Variants in FBLN2 observed in about 807,000 individuals in gnomAD.
FBLN2 encodes the protein fibulin 2.
Under a neutral mutation model 123.7 loss-of-function variants are expected in FBLN2, and 81 were observed. That is an observed-to-expected ratio of 0.65 (90% CI 0.55 to 0.79). The LOEUF is 0.79. FBLN2 is among the 30% of genes least tolerant of loss of function. The pLI, the probability that FBLN2 is intolerant of heterozygous loss-of-function variation, is 0.00. For missense variants in FBLN2, 1,603 were observed against 1,681.3 expected (o/e 0.95, Z 0.81); for synonymous variants, 699 against 701.4 (o/e 1.00, Z 0.05).
intron 2 of FBLN2, among the ~76,000 whole-genome samples, chr3:13,588,438 G>A (rs1197788496): frequency 6.6e-6 from 1 of 152,248 alleles, no homozygotes; most frequent in Non-Finnish European, 1.5e-5. Flanking sequence ...GCTGCCAGGC[G>A]GAGGCACGGG....
In FBLN2 at chr3:13,609,596, C is replaced by G; in HGVS notation, c.1502C>G (p.Thr501Ser). 2 of 1,461,246 alleles carry G rather than the reference C, an allele frequency of 1.4e-6. No homozygotes were observed. Among genetic ancestry groups the G allele is most frequent in the Non-Finnish European group, 1.8e-6 (2 of 1,089,384 alleles). The allele number at this position is 1,461,246 out of a possible 1,614,324, so 90.5% of individuals were successfully genotyped here. Residue 501 changes from threonine (T) to serine (S), a missense_variant, in exon 4 of 18, where the codon ACC (threonine) becomes AGC (serine). Thr to Ser is a moderately conservative substitution (Grantham distance 58, BLOSUM62 1). Coordinates refer to ENST00000404922, the MANE Select transcript of FBLN2 (RefSeq NM_001004019.2). ...GTCCTGGGAGCCAAGGAGGGTGAGA[C>G]CTGTGGGGCTGAGGACAACGACAGC... ...AGVLGAKEGE[T>S]CGAEDNDSCG... is the part of the protein sequence containing the mutation.
intron 15 of FBLN2, 124 bp downstream of exon 15, chr3:13,630,939 GC>G (rs1372199895): frequency 1.1e-5 from 8 of 748,260 alleles, no homozygotes; most frequent in Non-Finnish European, 1.8e-5. Flanking sequence ...CTGAGTTCAA[GC>G]CCCAGCCCTG....
At chr3:13,634,015 C>A (rs1292540420) in intron 16 of FBLN2, among the ~76,000 whole-genome samples, 2 of 93,608 alleles carry the variant, frequency 2.1e-5, no homozygotes, top group Non-Finnish European at 4.5e-5. Flanking sequence ...CACTCTGAGT[C>A]CCGGTCGTTT....
chr3:13,606,087 T>A (rs1705194468), intron 2 of FBLN2, among the ~76,000 whole-genome samples: 1 of 151,972 alleles, frequency 6.6e-6, no homozygotes, highest in South Asian at 2.1e-4. Context: ...TTTTGTGGAG[T>A]TGGAGATTCG....
At chr3:13,622,929 G>T (rs557855778) in intron 9 of FBLN2, among the ~76,000 whole-genome samples, 1 of 152,236 alleles carries the variant, frequency 6.6e-6, no homozygotes, top group South Asian at 2.1e-4. Context: ...GGCATGCAGC[G>T]TAGAAGGAAC....
chr3:13,607,987 C>A, intron 2 of FBLN2, 75 bp from the exon 3 acceptor site: 1 of 1,213,308 alleles, frequency 8.2e-7, no homozygotes, highest in Non-Finnish European at 1.2e-6. Context: ...TAAAGGAGAC[C>A]TGGACAGGCC....
intron 2 of FBLN2, among the ~76,000 whole-genome samples, chr3:13,586,760 C>G (rs887044252): frequency 6.7e-6 from 1 of 150,112 alleles, no homozygotes; most frequent in Non-Finnish European, 1.5e-5. Context: ...CCGCCTGTCT[C>G]AGCCTCCCAA....
At chr3:13,572,177 T>C (rs144542294) in intron 2 of FBLN2, among the ~76,000 whole-genome samples, 27 of 152,336 alleles carry the variant, frequency 1.8e-4, no homozygotes, top group Admixed American at 1.3e-3. Flanking sequence ...CAAATCCTAA[T>C]CTCACAAGCA....
intron 2 of FBLN2, among the ~76,000 whole-genome samples, chr3:13,605,358 T>A (rs1705166840): frequency 6.6e-6 from 1 of 152,234 alleles, no homozygotes; most frequent in Non-Finnish European, 1.5e-5. Context: ...GACAGTTTCA[T>A]CTCATCAGTG....
At position 13,563,731 on chromosome 3, in the gene FBLN2, G is replaced by A. The variant is rs188303955; in HGVS notation, c.-41-6584G>A. Among the ~76,000 whole-genome samples the A allele has an allele frequency of 3.4e-3, 523 of 152,340 alleles. 4 individuals are homozygous for A. Among genetic ancestry groups the A allele is most frequent in the Middle Eastern group, 0.014 (4 of 294 alleles). ...TGGATTCTGATGCAGCTGACCTACT[G>A]AGGCCAACTACACCATGTGGCTAGA... On this transcript the variant is annotated intron_variant, in intron 1 of 17. Coordinates refer to ENST00000404922, the MANE Select transcript of FBLN2 (RefSeq NM_001004019.2).
At chr3:13,620,267 G>A (rs954960501) in intron 8 of FBLN2, among the ~76,000 whole-genome samples, 6 of 152,270 alleles carry the variant, frequency 3.9e-5, no homozygotes, top group Middle Eastern at 3.4e-3. Flanking sequence ...CTGCTGGTCC[G>A]CGGACACCAC....
intron 2 of FBLN2, among the ~76,000 whole-genome samples, chr3:13,592,227 T>C (rs1271520437): frequency 6.6e-6 from 1 of 151,928 alleles, no homozygotes; most frequent in Non-Finnish European, 1.5e-5. Context: ...GGTTTCACCA[T>C]GTTGGCCAGG....
At position 13,629,821 on chromosome 3, in the gene FBLN2, C is replaced by G; in HGVS notation, c.2844C>G (p.Asp948Glu). Residue 948 changes from aspartate (D) to glutamate (E), a missense_variant and splice_region_variant, in exon 14 of 18, where the codon GAC becomes GAG. Transcript: ENST00000404922. ...TACCTGCTGCCTGCCCTCCCACAGA[C>G]GTGAATGAGTGCTGGGCCTCGCCAG... ...QRDAFGRGCIDVNECWASPGR... is the reference protein window; with the variant it reads ...QRDAFGRGCIEVNECWASPGR... The G allele has an allele frequency of 1.3e-6, 2 of 1,570,250 alleles. No individual in the cohort carries two copies. The highest frequency in any genetic ancestry group is 2.3e-5 in the South Asian group (2 of 85,210).
chr3:13,625,420 C>T (rs973988462), intron 9 of FBLN2, among the ~76,000 whole-genome samples: 2 of 152,160 alleles, frequency 1.3e-5, no homozygotes, highest in African/African-American at 2.4e-5. Flanking sequence ...CCCTGGGTGG[C>T]CTCAGCCATC....
intron 2 of FBLN2, among the ~76,000 whole-genome samples, chr3:13,593,761 G>T (rs1032352043): frequency 6.6e-6 from 1 of 151,528 alleles, no homozygotes; most frequent in African/African-American, 2.4e-5. Flanking sequence ...TAGCCTGCAG[G>T]GTTGTGGGGA....
At chr3:13,577,379 A>T (rs1337691903) in intron 2 of FBLN2, among the ~76,000 whole-genome samples, 1 of 152,058 alleles carries the variant, frequency 6.6e-6, no homozygotes, top group African/African-American at 2.4e-5. Flanking sequence ...CAGGGCAGGA[A>T]GGTGCCTGGA....
intron 17 of FBLN2, 122 bp from the exon 18 acceptor site, chr3:13,637,440 T>C: frequency 1.1e-6 from 1 of 890,464 alleles, no homozygotes; most frequent in African/African-American, 1.7e-5. Flanking sequence ...TGCCTGAGGC[T>C]TCCCGGCCAT....
chr3:13,596,892 T>C (rs1704860238), intron 2 of FBLN2, among the ~76,000 whole-genome samples: 2 of 151,502 alleles, frequency 1.3e-5, no homozygotes, highest in Non-Finnish European at 2.9e-5. Flanking sequence ...TAAATTAGTT[T>C]TTTATTTATT....
chr3:13,574,220 C>T (rs1365501027), intron 2 of FBLN2, among the ~76,000 whole-genome samples: 1 of 152,238 alleles, frequency 6.6e-6, no homozygotes, highest in Non-Finnish European at 1.5e-5. Context: ...CCTGCAGAAC[C>T]TGCGTGTGTG....
Sources: gnomAD v4.1 joint callset for allele counts (sites outside exome capture counted in the v4.1 genomes callset) on GRCh38, gnomAD v4.1.1 for gene constraint, MANE v1.5 for transcripts, NCBI Gene and HGNC (gene_info 2026-07-23, HGNC 2026-07-21) for gene names.